The following NCKAP1 variants were observed in gnomAD, a reference collection of about 807,000 sequenced individuals.
The protein encoded by NCKAP1 is NCK associated protein 1.
Under a neutral mutation model 151.2 loss-of-function variants are expected in NCKAP1, and 21 were observed. The ratio of observed to expected loss-of-function variants is 0.14; its 90% confidence interval spans 0.10 to 0.20. The LOEUF is 0.20. NCKAP1 is among the 10% of genes least tolerant of loss of function. The probability of loss-of-function intolerance (pLI) is 1.00; values close to 1 mark genes in which losing one functional copy is unlikely to be tolerated. For missense variants in NCKAP1, 933 were observed against 1,352.1 expected, an observed-to-expected ratio of 0.69 and a Z score of 4.86; for synonymous variants, 484 against 451.8, an observed-to-expected ratio of 1.07 and a Z score of -0.90.
At chr2:182,992,766 AAG>A (rs1698194232) in intron 8 of NCKAP1, among the ~76,000 whole-genome samples, 1 of 152,172 alleles carries the variant, frequency 6.6e-6, no homozygotes, top group African/African-American at 2.4e-5. Context: ...ACACTACTCA[AAG>A]TATCAGTCCA....
In NCKAP1 at chr2:182,982,812, C is replaced by T; in HGVS notation, c.1208+9G>A. ...ACAGAAAATATTTTTTTAAATGTTG[C>T]TAACTTACTTATCTATAAAGTCGTC... On this transcript the variant is annotated intron_variant, in intron 12 of 30. Coordinates refer to ENST00000361354, the MANE Select transcript of NCKAP1 (RefSeq NM_013436.5). The T allele has an allele frequency of 1.9e-6, 3 of 1,557,700 alleles. No individual in the cohort carries two copies. The highest frequency in any genetic ancestry group is 2.6e-6 in the Non-Finnish European group (3 of 1,147,580).
At chr2:183,003,693 C>G (rs1198219131) in intron 2 of NCKAP1, among the ~76,000 whole-genome samples, 1 of 151,998 alleles carries the variant, frequency 6.6e-6, no homozygotes, top group Non-Finnish European at 1.5e-5. Flanking sequence ...ACAACTCACA[C>G]TACAAAAAAA....
intron 24 of NCKAP1, among the ~76,000 whole-genome samples, chr2:182,937,331 T>G (rs550674383): frequency 6.6e-6 from 1 of 152,218 alleles, no homozygotes; most frequent in South Asian, 2.1e-4. Flanking sequence ...CTTAATGTAT[T>G]GTGTAATGGA....
At position 182,952,084 on chromosome 2, in the gene NCKAP1, G is replaced by C. The variant is rs528184249; in HGVS notation, c.2601+321C>G. 6.7e-3 allele frequency among the ~76,000 whole-genome samples: 1,024 copies of C among 152,226 alleles called. 12 individuals carry two copies. Among genetic ancestry groups the C allele is most frequent in the African/African-American group, 0.024 (981 of 41,544 alleles). On this transcript the variant is annotated intron_variant, in intron 23 of 30. Transcript: ENST00000361354. ...TGTGAACAAATTGTTAACTTTGGCT[G>C]GAATTTTGAAGCTGGTATTTCAAAG...
intron 16 of NCKAP1, among the ~76,000 whole-genome samples, chr2:182,966,900 T>G (rs1451994582): frequency 6.6e-6 from 1 of 152,232 alleles, no homozygotes; most frequent in Non-Finnish European, 1.5e-5. Flanking sequence ...ACAACATTTC[T>G]TTCCCTTTAG....
At chr2:182,966,882 C>G (rs1254322528) in intron 16 of NCKAP1, among the ~76,000 whole-genome samples, 1 of 152,122 alleles carries the variant, frequency 6.6e-6, no homozygotes, top group African/African-American at 2.4e-5. Flanking sequence ...TCTATTTGAC[C>G]TTGATCTACA....
chr2:182,996,469 T>A (rs1698270812), intron 6 of NCKAP1, among the ~76,000 whole-genome samples: 1 of 152,250 alleles, frequency 6.6e-6, no homozygotes, highest in African/African-American at 2.4e-5. Context: ...TGATTCTTTT[T>A]TTTTTTGAGA....
At chr2:182,971,393 C>CAAAAAAAAAAAAAAAAAAAAAAAAA in intron 15 of NCKAP1, among the ~76,000 whole-genome samples, 1 of 68,968 alleles carries the variant, frequency 1.4e-5, no homozygotes, top group Non-Finnish European at 2.9e-5. Context: ...GACTCCGTCT[C>CAAAAAAAAAAAAAAAAAAAAAAAAA]AAAAAAAAAA....
rs1306503988 is a variant in NCKAP1 at position 182,935,273 on chromosome 2, T to C, written c.2778+20A>G. On this transcript the variant is annotated intron_variant, in intron 25 of 30. Coordinates refer to ENST00000361354, the MANE Select transcript of NCKAP1 (RefSeq NM_013436.5). ...AGGGATTGTTTGGATACCGAGTATATACTTGTAATGGTTTCTTACATCTCT... is the reference window on the plus strand; with the variant it reads ...AGGGATTGTTTGGATACCGAGTATACACTTGTAATGGTTTCTTACATCTCT... The C allele has an allele frequency of 2.0e-6, 3 of 1,493,558 alleles. No individual in the cohort carries two copies. Among genetic ancestry groups the C allele is most frequent in the East Asian group, 4.7e-5 (2 of 42,356 alleles). 92.5% of individuals were successfully genotyped at this position (1,493,558 alleles called of 1,614,324 possible).
At chr2:182,956,332 G>A (rs1301490469) in intron 20 of NCKAP1, 130 bp downstream of exon 20, 19 of 1,194,986 alleles carry the variant, frequency 1.6e-5, no homozygotes, top group African/African-American at 4.7e-5. Context: ...GAGCCACCAC[G>A]CCCGGCCCGG....
At chr2:183,034,983 G>A (rs574196685) in intron 1 of NCKAP1, among the ~76,000 whole-genome samples, 9 of 151,978 alleles carry the variant, frequency 5.9e-5, no homozygotes, top group Non-Finnish European at 1.2e-4. Context: ...TTAACTTCTG[G>A]CCCAGTGCTC....
Position 182,985,369 on chromosome 2 carries a change from G to A in NCKAP1, c.1004+802C>T, listed in dbSNP as rs191669012. 3.4e-4 allele frequency among the ~76,000 whole-genome samples: 52 copies of A among 152,132 alleles called. 1 individual carries two copies. The highest frequency in any genetic ancestry group is 2.0e-3 in the Admixed American group (30 of 15,286). On this transcript the variant is annotated intron_variant, in intron 10 of 30. Coordinates refer to ENST00000361354, the MANE Select transcript of NCKAP1 (RefSeq NM_013436.5). ...AAGTATATCATATATGTAACAAAGT[G>A]AAATATCAAATTATTTAGAATTATT... is the stretch of plus-strand genomic sequence containing the variant.
At chr2:182,959,974 A>G (rs1315817420) in intron 18 of NCKAP1, among the ~76,000 whole-genome samples, 4 of 152,238 alleles carry the variant, frequency 2.6e-5, no homozygotes, top group Non-Finnish European at 5.9e-5. Flanking sequence ...GTGAACTCCC[A>G]TTCACAATTG....
intron 1 of NCKAP1, among the ~76,000 whole-genome samples, chr2:183,029,195 T>C (rs1698958049): frequency 6.6e-6 from 1 of 152,056 alleles, no homozygotes; most frequent in Admixed American, 6.6e-5. Flanking sequence ...AAATCTGATG[T>C]TATCAGTAAA....
chr2:182,956,350 T>C (rs1196816201), intron 20 of NCKAP1, 112 bp downstream of exon 20: 15 of 1,378,612 alleles, frequency 1.1e-5, no homozygotes, highest in Non-Finnish European at 1.3e-5. Context: ...CGGTTCATTA[T>C]TCTTAACACT....
At chr2:183,021,277 T>G (rs924169167) in intron 2 of NCKAP1, among the ~76,000 whole-genome samples, 2 of 152,142 alleles carry the variant, frequency 1.3e-5, no homozygotes, top group African/African-American at 4.8e-5. Flanking sequence ...ATGTGGTATA[T>G]CCACACAACG....
At chr2:182,942,955 T>C (rs1697028032) in intron 23 of NCKAP1, among the ~76,000 whole-genome samples, 1 of 152,192 alleles carries the variant, frequency 6.6e-6, no homozygotes. Flanking sequence ...CTGCTCTTTG[T>C]TGCAGTTACC....
intron 2 of NCKAP1, among the ~76,000 whole-genome samples, chr2:183,013,356 C>T (rs1172094662): frequency 6.6e-6 from 1 of 152,178 alleles, no homozygotes; most frequent in Non-Finnish European, 1.5e-5. Context: ...ACTCCCACTG[C>T]ACTACCCCAA....
In NCKAP1 at chr2:182,981,278, C is replaced by T. The variant is rs1413919559; in HGVS notation, c.1307G>A (p.Gly436Asp). 5.0e-6 allele frequency: 8 copies of T among 1,613,758 alleles called. No homozygotes were observed. In the South Asian group the frequency reaches 8.8e-5, roughly 18 times the overall value. The change falls in exon 13 of 31, where the codon GGC becomes GAC. Residue 436 changes from glycine (G) to aspartate (D), a missense_variant. Physicochemically the swap from Gly to Asp is moderately conservative, Grantham distance 94. Transcript: ENST00000361354. ...TTCATTGAGGACAACAGCATCAAAG[C>T]CAGAAAGGTACTGCACGTAATACCT... Reference protein sequence around the residue: ...MQRYYVQYLSGFDAVVLNELV... With the variant: ...MQRYYVQYLSDFDAVVLNELV...
Sources: gnomAD v4.1 joint callset for allele counts (sites outside exome capture counted in the v4.1 genomes callset) on GRCh38, gnomAD v4.1.1 for gene constraint, MANE v1.5 for transcripts, NCBI Gene and HGNC (gene_info 2026-07-23, HGNC 2026-07-21) for gene names.